ZSCAN10: variants seen among roughly 807,000 people sequenced by gnomAD.
The protein encoded by ZSCAN10 is zinc finger and SCAN domain containing 10.
Under a neutral mutation model 63.7 loss-of-function variants are expected in ZSCAN10, and 52 were observed. That is an observed-to-expected ratio of 0.82 (90% CI 0.65 to 1.03). The LOEUF is 1.03. Among genes scored for constraint, ZSCAN10 ranks in the 50% least tolerant of loss-of-function variants. ZSCAN10 has a pLI of 0.00. For synonymous variants in ZSCAN10, 544 were observed against 479.6 expected, an observed-to-expected ratio of 1.13 and a Z score of -1.76; for missense variants, 1,223 against 1,103.8, an observed-to-expected ratio of 1.11 and a Z score of -1.53.
Position 3,090,357 on chromosome 16 carries a change from C to G in ZSCAN10, c.1077G>C (p.Leu359=), listed in dbSNP as rs1957055223. Residue 359 remains leucine, a synonymous_variant, in exon 6 of 6, where the codon CTG becomes CTC. Coordinates refer to ENST00000576985, the MANE Select transcript of ZSCAN10 (RefSeq NM_032805.3). ...CADCGVSFPQ[L]SRLKAHQLRS... ...GCAGCTGGTGCGCCTTCAGGCGAGA[C>G]AGCTGCGGGAAGCTCACCCCGCAGT... 1 of 1,612,008 alleles carries G rather than the reference C, an allele frequency of 6.2e-7. No homozygotes were observed. Among genetic ancestry groups the G allele is most frequent in the African/African-American group, 1.3e-5 (1 of 74,924 alleles).
chr16:3,097,884 A>G (rs1460912647), intron 1 of ZSCAN10, among the ~76,000 whole-genome samples: 1 of 152,054 alleles, frequency 6.6e-6, no homozygotes, highest in African/African-American at 2.4e-5. Context: ...GATCAGAAAA[A>G]TGGTGTTGTG....
At chr16:3,091,235 C>A (rs998386250) in intron 5 of ZSCAN10, among the ~76,000 whole-genome samples, 1 of 152,156 alleles carries the variant, frequency 6.6e-6, no homozygotes, top group African/African-American at 2.4e-5. Flanking sequence ...TTACCTGAGC[C>A]CAGGAGGTCC....
chr16:3,097,324 A>G (rs908746873), intron 1 of ZSCAN10, among the ~76,000 whole-genome samples: 1 of 151,960 alleles, frequency 6.6e-6, no homozygotes, highest in Non-Finnish European at 1.5e-5. Flanking sequence ...ACCTCCCTGC[A>G]ACACACAGTA....
chr16:3,094,433 C>T (rs1024550305), intron 1 of ZSCAN10, among the ~76,000 whole-genome samples: 5 of 152,200 alleles, frequency 3.3e-5, no homozygotes, highest in African/African-American at 1.2e-4. Context: ...GCAACCTCCG[C>T]CTCGCGGGTT....
intron 1 of ZSCAN10, among the ~76,000 whole-genome samples, chr16:3,098,090 G>GAAAAA (rs890766652): frequency 7.5e-6 from 1 of 132,784 alleles, no homozygotes; most frequent in Non-Finnish European, 1.6e-5. Flanking sequence ...GAAAAGAAAA[G>GAAAAA]AAAAAAAAAG....
chr16:3,098,059 AAAAGAAAG>A (rs1162529634), intron 1 of ZSCAN10, among the ~76,000 whole-genome samples: 1 of 150,138 alleles, frequency 6.7e-6, no homozygotes, highest in Non-Finnish European at 1.5e-5. Context: ...AAAAAAAAAA[AAAAGAAAG>A]AAAGAAAGAA....
chr16:3,098,248 C>A (rs1370596687), intron 1 of ZSCAN10, among the ~76,000 whole-genome samples: 1 of 151,924 alleles, frequency 6.6e-6, no homozygotes, highest in African/African-American at 2.4e-5. Context: ...CTCATTTCAT[C>A]CCAGTCCAGC....
chr16:3,088,980 G>A lies in ZSCAN10; in HGVS notation c.*111C>T, dbSNP rs1957021896. 3 of 1,378,386 alleles carry A rather than the reference G, an allele frequency of 2.2e-6. No individual in the cohort carries two copies. Among genetic ancestry groups the A allele is most frequent in the Non-Finnish European group, 2.8e-6 (3 of 1,073,236 alleles). The allele number at this position is 1,378,386 out of a possible 1,614,324, so 85.4% of individuals were successfully genotyped here. On this transcript the variant is annotated 3_prime_UTR_variant, in exon 6 of 6. Coordinates refer to ENST00000576985, the MANE Select transcript of ZSCAN10 (RefSeq NM_032805.3). Reference sequence around the variant, plus strand: ...CGGCCAGGGAAGGACAGCTGTGAAAGTGGAAGGAGAGGGAAGTGGGGTGTG... The same window carrying A: ...CGGCCAGGGAAGGACAGCTGTGAAAATGGAAGGAGAGGGAAGTGGGGTGTG...
In ZSCAN10 at chr16:3,090,219, G is replaced by A; in HGVS notation, c.1215C>T (p.Ala405=). The part of the protein sequence containing the change: ...MRTHTDERPH[A]CHLCGHRFRQ... ...GGAAGCGGTGGCCGCACAGGTGGCAGGCGTGCGGCCGCTCGTCCGTGTGAG... is the reference window on the plus strand; with the variant it reads ...GGAAGCGGTGGCCGCACAGGTGGCAAGCGTGCGGCCGCTCGTCCGTGTGAG... The change falls in exon 6 of 6, where the codon GCC becomes GCT. Residue 405 remains alanine (A), a synonymous_variant. Coordinates refer to ENST00000576985, the MANE Select transcript of ZSCAN10 (RefSeq NM_032805.3). 6.2e-7 allele frequency: 1 copy of A among 1,606,706 alleles called. No homozygotes were observed. Among genetic ancestry groups the A allele is most frequent in the Non-Finnish European group, 8.5e-7 (1 of 1,179,576 alleles).
In ZSCAN10 at chr16:3,090,221, C is replaced by G. The variant is rs374247812; in HGVS notation, c.1213G>C (p.Ala405Pro). Residue 405 changes from alanine to proline, a missense_variant, in exon 6 of 6, where the codon GCC becomes CCC. Physicochemically the swap from Ala to Pro is conservative, Grantham distance 27. Coordinates refer to ENST00000576985, the MANE Select transcript of ZSCAN10 (RefSeq NM_032805.3). The stretch of plus-strand genomic sequence containing the variant: ...AAGCGGTGGCCGCACAGGTGGCAGG[C>G]GTGCGGCCGCTCGTCCGTGTGAGTG... ...MRTHTDERPH[A>P]CHLCGHRFRQ... 1 of 1,605,184 alleles carries G rather than the reference C, an allele frequency of 6.2e-7. No individual in the cohort carries two copies. The highest frequency in any genetic ancestry group is 8.5e-7 in the Non-Finnish European group (1 of 1,179,044).
intron 3 of ZSCAN10, 26 bp from the exon 4 acceptor site, chr16:3,091,854 G>A: frequency 6.3e-7 from 1 of 1,576,878 alleles, no homozygotes; most frequent in Non-Finnish European, 8.6e-7. Flanking sequence ...AAGAGGGGAG[G>A]AAGTGCTGTT....
At chr16:3,098,542 T>C (rs1232120999) in intron 1 of ZSCAN10, among the ~76,000 whole-genome samples, 2 of 152,148 alleles carry the variant, frequency 1.3e-5, no homozygotes, top group African/African-American at 2.4e-5. Context: ...GGCCGGAATC[T>C]CCAGGTGAGA....
intron 1 of ZSCAN10, among the ~76,000 whole-genome samples, chr16:3,098,342 G>A (rs1430783411): frequency 2.6e-5 from 4 of 152,254 alleles, no homozygotes; most frequent in African/African-American, 9.6e-5. Flanking sequence ...GTCACACCAG[G>A]TGGAGCCAAG....
chr16:3,093,885 C>G (rs544189358), intron 1 of ZSCAN10, among the ~76,000 whole-genome samples: 2 of 152,096 alleles, frequency 1.3e-5, no homozygotes, highest in African/African-American at 4.8e-5. Flanking sequence ...AGAGTTTCAC[C>G]ATGTTGGCTG....
chr16:3,097,532 G>A lies in ZSCAN10; in HGVS notation c.-68+1658C>T, dbSNP rs181057602. On this transcript the variant is annotated intron_variant, in intron 1 of 5. Coordinates refer to ENST00000576985, the MANE Select transcript of ZSCAN10 (RefSeq NM_032805.3). Reference sequence around the variant, plus strand: ...GGGGACAGGGTGGGGCCAGATAAGCGAAGACAAAGTGAGAAATCCAGATTT... The same window carrying A: ...GGGGACAGGGTGGGGCCAGATAAGCAAAGACAAAGTGAGAAATCCAGATTT... 9.9e-5 allele frequency among the ~76,000 whole-genome samples: 15 copies of A among 152,272 alleles called. No homozygotes were observed. The South Asian group carries it at 2.7e-3, about 27-fold the overall frequency.
At chr16:3,090,685 C>G (rs1187780456) in intron 5 of ZSCAN10, 39 bp from the exon 6 acceptor site, 1 of 1,495,274 alleles carries the variant, frequency 6.7e-7, no homozygotes, top group Non-Finnish European at 8.9e-7. Context: ...CAGGCCTATT[C>G]CCAGGGCCAC....
chr16:3,093,449 G>A (rs538221156), intron 1 of ZSCAN10: 5 of 151,184 alleles, frequency 3.3e-5, no homozygotes, highest in African/African-American at 9.7e-5. Flanking sequence ...CTGGGAGGCG[G>A]AGCTTACAGT....
intron 5 of ZSCAN10, among the ~76,000 whole-genome samples, chr16:3,091,296 T>A (rs1263272577): frequency 6.6e-6 from 1 of 151,066 alleles, no homozygotes; most frequent in African/African-American, 2.4e-5. Context: ...TAACATCCTG[T>A]TTCAAAAAAC....
chr16:3,091,816 G>T lies in ZSCAN10; in HGVS notation c.677C>A (p.Pro226His). The T allele has an allele frequency of 6.4e-7, 1 of 1,572,220 alleles. No homozygotes were observed. The highest frequency in any genetic ancestry group is 8.6e-7 in the Non-Finnish European group (1 of 1,158,574). ...GGAACTCTCCTCTGGCCATGGTGAGGGGCCCTGGGGACCTGACGGCATTGG... is the reference window on the plus strand; with the variant it reads ...GGAACTCTCCTCTGGCCATGGTGAGTGGCCCTGGGGACCTGACGGCATTGG... ...QALQESSPQG[P>H]SPWPEESSRD... Residue 226 changes from proline to histidine, a missense_variant, in exon 4 of 6, where the codon CCC becomes CAC. Physicochemically the swap from Pro to His is moderately conservative, Grantham distance 77. Coordinates refer to ENST00000576985, the MANE Select transcript of ZSCAN10 (RefSeq NM_032805.3).
Sources: allele counts gnomAD v4.1 joint callset (sites outside exome capture counted in the v4.1 genomes callset), GRCh38; gene constraint gnomAD v4.1.1; transcripts MANE v1.5; gene names NCBI Gene and HGNC (gene_info 2026-07-23, HGNC 2026-07-21).